CACNA1C: variants seen among roughly 807,000 people sequenced by gnomAD.
CACNA1C encodes the protein calcium voltage-gated channel subunit alpha1 C.
In CACNA1C, 30 loss-of-function variants were observed where a neutral mutation model predicts 229.0. The ratio of observed to expected loss-of-function variants is 0.13; its 90% confidence interval spans 0.10 to 0.18. CACNA1C has a LOEUF of 0.18. Ranked by LOEUF, CACNA1C falls within the 10% of genes least tolerant of loss-of-function variation. The probability of loss-of-function intolerance (pLI) is 1.00; values close to 1 mark genes in which losing one functional copy is unlikely to be tolerated. For synonymous variants in CACNA1C, 1,114 were observed against 1,132.5 expected (o/e 0.98, Z 0.33); for missense variants, 1,658 against 2,845.0 (o/e 0.58, Z 9.49).
intron 1 of CACNA1C, among the ~76,000 whole-genome samples, chr12:2,107,595 C>G (rs1207530150): frequency 6.6e-6 from 1 of 152,242 alleles, no homozygotes; most frequent in African/African-American, 2.4e-5. Flanking sequence ...ATGCCAGCTT[C>G]CCCATTTGGC....
intron 3 of CACNA1C, among the ~76,000 whole-genome samples, chr12:2,122,398 A>G (rs189364503): frequency 1.3e-5 from 2 of 152,284 alleles, no homozygotes; most frequent in African/African-American, 4.8e-5. Context: ...GGGGCAGTGA[A>G]TGCTGCCAGC....
chr12:2,088,859 T>G (rs1441216705), intron 1 of CACNA1C, among the ~76,000 whole-genome samples: 1 of 152,166 alleles, frequency 6.6e-6, no homozygotes, highest in Non-Finnish European at 1.5e-5. Context: ...TTACTATATG[T>G]CACTGCAGCG....
At chr12:2,317,946 A>G (rs1162702324) in intron 3 of CACNA1C, among the ~76,000 whole-genome samples, 1 of 152,216 alleles carries the variant, frequency 6.6e-6, no homozygotes, top group Non-Finnish European at 1.5e-5. Context: ...AACTGGCATC[A>G]CATTTTAATT....
intron 3 of CACNA1C, among the ~76,000 whole-genome samples, chr12:2,419,889 A>G (rs934000344): frequency 6.6e-6 from 1 of 152,120 alleles, no homozygotes; most frequent in Non-Finnish European, 1.5e-5. Flanking sequence ...TACCTGTGTC[A>G]TCATGGGTGC....
chr12:2,337,157 G>A (rs1193476249), intron 3 of CACNA1C, among the ~76,000 whole-genome samples: 1 of 152,248 alleles, frequency 6.6e-6, no homozygotes, highest in Non-Finnish European at 1.5e-5. Context: ...CAGCCTGGCT[G>A]CAATGCCCTT....
At chr12:2,447,510 G>A (rs1284117365) in intron 3 of CACNA1C, among the ~76,000 whole-genome samples, 1 of 152,208 alleles carries the variant, frequency 6.6e-6, no homozygotes, top group African/African-American at 2.4e-5. Context: ...CAGATGATCT[G>A]TTTCAGTAGG....
intron 3 of CACNA1C, among the ~76,000 whole-genome samples, chr12:2,261,306 A>AT (rs1170608446): frequency 6.6e-6 from 1 of 152,176 alleles, no homozygotes; most frequent in Non-Finnish European, 1.5e-5. Flanking sequence ...CTGAAAAATA[A>AT]TTTTTTTGTA....
chr12:2,453,517 G>C (rs930598114), intron 4 of CACNA1C, among the ~76,000 whole-genome samples: 1 of 152,086 alleles, frequency 6.6e-6, no homozygotes, highest in Non-Finnish European at 1.5e-5. Flanking sequence ...TCCTCTCTGG[G>C]TATAAAGGAC....
chr12:2,446,553 TG>T (rs2099287246), intron 3 of CACNA1C, among the ~76,000 whole-genome samples: 1 of 140,494 alleles, frequency 7.1e-6, no homozygotes, highest in South Asian at 2.3e-4. Context: ...AATGGATGAG[TG>T]GGTGGTGCAT....
rs137943750 is a variant in CACNA1C, at chr12:2,290,246, C to T, written c.478-158730C>T. Reference sequence around the variant, plus strand: ...CTCCTGGCCAGCGCCTGCCTTGCTTCACAGATGTCAAGGCAATTGGGGATT... The same window carrying T: ...CTCCTGGCCAGCGCCTGCCTTGCTTTACAGATGTCAAGGCAATTGGGGATT... On this transcript the variant is annotated intron_variant, in intron 3 of 46. Transcript: ENST00000399655. 9.5e-3 allele frequency among the ~76,000 whole-genome samples: 1,441 copies of T among 152,260 alleles called. 17 individuals are homozygous for T. The highest frequency in any genetic ancestry group is 0.033 in the African/African-American group (1,385 of 41,546).
At chr12:1,980,452 GTTAT>G (rs1332253636) in intron 1 of CACNA1C, among the ~76,000 whole-genome samples, 1 of 151,916 alleles carries the variant, frequency 6.6e-6, no homozygotes, top group African/African-American at 2.4e-5. Context: ...ATTTCTAAGT[GTTAT>G]TTACATATTC....
In CACNA1C at chr12:2,632,560, A is replaced by G. The variant is rs926815080; in HGVS notation, c.3829-1737A>G. Among the ~76,000 whole-genome samples, 4 of 152,176 alleles carry G rather than the reference A, an allele frequency of 2.6e-5. No individual in the cohort carries two copies. The highest frequency in any genetic ancestry group is 9.7e-5 in the African/African-American group (4 of 41,438). On this transcript the variant is annotated intron_variant, in intron 29 of 46. Transcript: ENST00000399655. This position sits in a 1 kb window ranked among gnomAD's most constrained non-coding sequence, Gnocchi z 4.1. ...AGAACATTCGTCCCTTCTCTTCTCC[A>G]AACATGGTGAAAAATAAACAAAATC...
chr12:2,121,071 G>C (rs930331447), intron 3 of CACNA1C, among the ~76,000 whole-genome samples: 1 of 152,106 alleles, frequency 6.6e-6, no homozygotes, highest in Non-Finnish European at 1.5e-5. Context: ...AAAGACTTTT[G>C]CTCCATCTGG....
chr12:2,626,947 G>A (rs950531486), intron 29 of CACNA1C, among the ~76,000 whole-genome samples: 1 of 152,198 alleles, frequency 6.6e-6, no homozygotes. Flanking sequence ...AAATGTCCTG[G>A]GGAGGATAAG....
intron 3 of CACNA1C, among the ~76,000 whole-genome samples, chr12:2,139,457 T>C (rs1354708053): frequency 1.3e-5 from 2 of 150,506 alleles, no homozygotes; most frequent in African/African-American, 4.9e-5. Context: ...CAAGAAGGGA[T>C]CACATCTACA....
chr12:2,450,340 G>T (rs1190770746), intron 4 of CACNA1C, among the ~76,000 whole-genome samples: 3 of 151,948 alleles, frequency 2.0e-5, no homozygotes, highest in South Asian at 2.1e-4. Context: ...GGATCACGAG[G>T]TCAGGAGATC....
chr12:2,525,825 C>G (rs1449917760), intron 9 of CACNA1C, among the ~76,000 whole-genome samples: 1 of 152,188 alleles, frequency 6.6e-6, no homozygotes, highest in Non-Finnish European at 1.5e-5. Context: ...ATAGGAGAGA[C>G]TTTGTCCTCT....
chr12:2,322,948 G>A (rs942384220), intron 3 of CACNA1C, among the ~76,000 whole-genome samples: 2 of 152,174 alleles, frequency 1.3e-5, no homozygotes, highest in African/African-American at 4.8e-5. Context: ...ACGCTGTCCC[G>A]ACGCTGTCTG....
At chr12:2,431,105 G>A (rs908896089) in intron 3 of CACNA1C, among the ~76,000 whole-genome samples, 4 of 152,158 alleles carry the variant, frequency 2.6e-5, no homozygotes, top group African/African-American at 9.7e-5. Context: ...GAACCATGGG[G>A]CCACTTAGGT....
Sources: allele counts gnomAD v4.1 joint callset (sites outside exome capture counted in the v4.1 genomes callset), GRCh38; gene constraint gnomAD v4.1.1; non-coding constraint Gnocchi (gnomAD v3.1); transcripts MANE v1.5; gene names NCBI Gene and HGNC (gene_info 2026-07-23, HGNC 2026-07-21).